The following MIS18BP1 variants were observed in gnomAD, a reference collection of about 807,000 sequenced individuals.
MIS18BP1 encodes mis18-binding protein 1.
Under a neutral mutation model 116.1 loss-of-function variants are expected in MIS18BP1, and 72 were observed. The observed-to-expected ratio is 0.62, with a 90% CI of 0.51 to 0.75. The LOEUF is 0.75. Among genes scored for constraint, MIS18BP1 ranks in the 30% least tolerant of loss-of-function variants. The probability of loss-of-function intolerance (pLI) is 0.00; values close to 1 mark genes in which losing one functional copy is unlikely to be tolerated. For synonymous variants in MIS18BP1, 386 were observed against 427.0 expected (o/e 0.90, Z 1.18); for missense variants, 1,363 against 1,303.2 (o/e 1.05, Z -0.71).
chr14:45,243,306 T>G (rs1331508262), intron 2 of MIS18BP1, among the ~76,000 whole-genome samples: 1 of 152,164 alleles, frequency 6.6e-6, no homozygotes, highest in African/African-American at 2.4e-5. Flanking sequence ...GTCGAAGAAT[T>G]GTAACTTATT....
At chr14:45,205,459 T>A (rs1890488946) in intron 15 of MIS18BP1, among the ~76,000 whole-genome samples, 2 of 152,090 alleles carry the variant, frequency 1.3e-5, no homozygotes, top group East Asian at 3.8e-4. Context: ...TATATGATAA[T>A]CAGTTATTGC....
At chr14:45,218,527 C>CT (rs1354518613) in intron 11 of MIS18BP1, 73 bp from the exon 12 acceptor site, 1 of 1,338,906 alleles carries the variant, frequency 7.5e-7, no homozygotes, top group Non-Finnish European at 1.0e-6. Flanking sequence ...AAGCATAACA[C>CT]TGAATTGATG....
chr14:45,247,272 A>C lies in MIS18BP1; in HGVS notation c.15T>G (p.Pro5=), dbSNP rs1420610167. The C allele has an allele frequency of 5.1e-6, 8 of 1,559,450 alleles. No homozygotes were observed. Among genetic ancestry groups the C allele is most frequent in the Non-Finnish European group, 6.0e-6 (7 of 1,158,276 alleles). ...GTAAGTAAATTCTTGAATGTTTCAAAGGTGTTGCAATCATCTTGACAAGAA... is the reference window on the plus strand; with the variant it reads ...GTAAGTAAATTCTTGAATGTTTCAACGGTGTTGCAATCATCTTGACAAGAA... MIAT[P]LKHSRIYLPP... is the part of the protein sequence containing the mutation. The change falls in exon 2 of 17, where the codon CCT becomes CCG. Residue 5 remains proline (P), a synonymous_variant. Transcript: ENST00000310806.
At chr14:45,249,598 CAG>C (rs1305732045) in intron 1 of MIS18BP1, among the ~76,000 whole-genome samples, 1 of 152,200 alleles carries the variant, frequency 6.6e-6, no homozygotes, top group African/African-American at 2.4e-5. Flanking sequence ...CGGCTGAGCA[CAG>C]TGGCTCACGC....
rs780751960 is a variant in MIS18BP1 at position 45,224,008 on chromosome 14, G to A, written c.2579C>T (p.Ser860Phe). 6.2e-7 allele frequency: 1 copy of A among 1,613,564 alleles called. No individual in the cohort carries two copies. Among genetic ancestry groups the A allele is most frequent in the East Asian group, 2.2e-5 (1 of 44,866 alleles). Residue 860 changes from serine (S) to phenylalanine (F), a missense_variant, in exon 11 of 17, where the codon TCT becomes TTT. By Grantham distance (155) the Ser-to-Phe change is radical (BLOSUM62 -2). Coordinates refer to ENST00000310806, the MANE Select transcript of MIS18BP1 (RefSeq NM_018353.5). ...KEFPITEAVG[S>F]DKTNRHPLEC... ...TAAGGGATGCCTATTTGTCTTATCAGATCCTACTGCCTCAGTAATTGGAAA... is the reference window on the plus strand; with the variant it reads ...TAAGGGATGCCTATTTGTCTTATCAAATCCTACTGCCTCAGTAATTGGAAA...
Position 45,243,022 on chromosome 14 carries a change from A to G in MIS18BP1, c.545-148T>C, listed in dbSNP as rs752637878. On this transcript the variant is annotated intron_variant, in intron 2 of 16. Coordinates refer to ENST00000310806, the MANE Select transcript of MIS18BP1 (RefSeq NM_018353.5). Reference sequence around the variant, plus strand: ...CTTTTGCAATATATGACAGTTACATATATTTTTATATTTTTGGCTGTATTA... The same window carrying G: ...CTTTTGCAATATATGACAGTTACATGTATTTTTATATTTTTGGCTGTATTA... The G allele has an allele frequency of 1.3e-4, 66 of 517,842 alleles. 1 individual carries two copies. The highest frequency in any genetic ancestry group is 1.0e-3 in the Middle Eastern group (2 of 1,988). 32.1% of individuals were successfully genotyped at this position (517,842 alleles called of 1,614,324 possible). A position where few individuals can be genotyped will look rare whatever the true frequency, so the allele number is the denominator to read the frequency against.
Position 45,224,423 on chromosome 14 carries a change from CAGTA to C in MIS18BP1, c.2160_2163del (p.Thr721SerfsTer5), listed in dbSNP as rs753721678. On this transcript the variant is annotated frameshift_variant, in exon 11 of 17. Transcript: ENST00000310806. LOFTEE classifies it high-confidence loss of function. ...TTAGATATTTTTATTTTCCGGTTGACAGTAAGTAAGTCACGTTCATCGCAATCTT... is the reference window on the plus strand; with the variant it reads ...TTAGATATTTTTATTTTCCGGTTGACAGTAAGTCACGTTCATCGCAATCTT... 13 of 1,613,738 alleles carry C rather than the reference CAGTA, an allele frequency of 8.1e-6. No individual in the cohort carries two copies. Among genetic ancestry groups the C allele is most frequent in the East Asian group, 6.7e-5 (3 of 44,878 alleles).
chr14:45,242,822 C>A lies in MIS18BP1; in HGVS notation c.597G>T (p.Pro199=). The A allele has an allele frequency of 1.9e-6, 3 of 1,613,190 alleles. No individual in the cohort carries two copies. Among genetic ancestry groups the A allele is most frequent in the Non-Finnish European group, 2.5e-6 (3 of 1,179,624 alleles). ...LESSNNDIFL[P]VKQKIQCQQE... is the part of the protein sequence containing the mutation. ...GCTGGCACTGAATCTTTTGTTTGACCGGGAGGAAAATATCATTATTTGATG... is the reference window on the plus strand; with the variant it reads ...GCTGGCACTGAATCTTTTGTTTGACAGGGAGGAAAATATCATTATTTGATG... The change falls in exon 3 of 17, where the codon CCG becomes CCT. Residue 199 remains proline (P), a synonymous_variant. Transcript: ENST00000310806.
At chr14:45,207,225 T>C (rs1890541857) in intron 14 of MIS18BP1, among the ~76,000 whole-genome samples, 1 of 152,204 alleles carries the variant, frequency 6.6e-6, no homozygotes, top group East Asian at 1.9e-4. Flanking sequence ...CTCTAAGATC[T>C]TACATACCTG....
intron 13 of MIS18BP1, among the ~76,000 whole-genome samples, chr14:45,214,107 A>C (rs1308231486): frequency 6.6e-6 from 1 of 152,134 alleles, no homozygotes; most frequent in Non-Finnish European, 1.5e-5. Context: ...GTGGGAAGGG[A>C]AAGACCTTAC....
At chr14:45,231,345 A>G (rs753733555) in intron 7 of MIS18BP1, 47 bp from the exon 8 acceptor site, 2 of 1,456,446 alleles carry the variant, frequency 1.4e-6, no homozygotes, top group African/African-American at 2.9e-5. Context: ...ATTCTCAAAA[A>G]AACAAAACAA....
chr14:45,232,654 A>T (rs1176962295), intron 7 of MIS18BP1, 79 bp downstream of exon 7: 2 of 798,136 alleles, frequency 2.5e-6, no homozygotes, highest in South Asian at 3.1e-5. Flanking sequence ...AATTAGCTGG[A>T]CATGGTGGCA....
chr14:45,235,471 T>G (rs1891399267), intron 6 of MIS18BP1, among the ~76,000 whole-genome samples: 1 of 149,870 alleles, frequency 6.7e-6, no homozygotes, highest in Non-Finnish European at 1.5e-5. Flanking sequence ...GGCACCTTAG[T>G]CCCGGCTACT....
chr14:45,222,598 TG>T (rs1891004609), intron 11 of MIS18BP1, among the ~76,000 whole-genome samples: 2 of 152,204 alleles, frequency 1.3e-5, no homozygotes, highest in South Asian at 4.1e-4. Flanking sequence ...AGGATCTTCC[TG>T]TGTGTGGGAC....
chr14:45,211,702 G>A (rs1890677977), intron 13 of MIS18BP1, among the ~76,000 whole-genome samples: 1 of 152,170 alleles, frequency 6.6e-6, no homozygotes, highest in Non-Finnish European at 1.5e-5. Context: ...ATTCACAGGA[G>A]GCTCCAGACA....
chr14:45,216,189 T>C (rs1890813263), intron 13 of MIS18BP1, among the ~76,000 whole-genome samples: 2 of 152,194 alleles, frequency 1.3e-5, no homozygotes, highest in African/African-American at 2.4e-5. Context: ...TTTTGGGCTT[T>C]TGGATTTCTT....
At chr14:45,235,191 A>G (rs1344621898) in intron 6 of MIS18BP1, among the ~76,000 whole-genome samples, 1 of 149,458 alleles carries the variant, frequency 6.7e-6, no homozygotes, top group Non-Finnish European at 1.5e-5. Flanking sequence ...TGGGCAACAG[A>G]GCAAGACTCC....
chr14:45,231,893 G>A (rs1162855384), intron 7 of MIS18BP1, among the ~76,000 whole-genome samples: 3 of 151,866 alleles, frequency 2.0e-5, no homozygotes, highest in Non-Finnish European at 4.4e-5. Context: ...TATAGTGTCT[G>A]TAAAGTAGCA....
intron 14 of MIS18BP1, among the ~76,000 whole-genome samples, chr14:45,209,898 C>T (rs900177772): frequency 9.9e-5 from 15 of 152,156 alleles, no homozygotes; most frequent in Non-Finnish European, 1.5e-5. Context: ...GTATATATTA[C>T]GGAAATTAGC....
Sources: gnomAD v4.1 joint callset for allele counts (sites outside exome capture counted in the v4.1 genomes callset) on GRCh38, gnomAD v4.1.1 for gene constraint, MANE v1.5 for transcripts, NCBI Gene and HGNC (gene_info 2026-07-23, HGNC 2026-07-21) for gene names.